The following CDCA5 variants were observed in gnomAD, a reference collection of about 807,000 sequenced individuals.
CDCA5 encodes sororin.
A neutral mutation model predicts 25.7 loss-of-function variants in CDCA5; 14 were observed. The observed-to-expected ratio is 0.54, with a 90% confidence interval of 0.36 to 0.85. CDCA5 has a LOEUF of 0.85. Ranked by LOEUF, CDCA5 falls within the 40% of genes least tolerant of loss-of-function variation. The probability of loss-of-function intolerance (pLI) is 0.01; values close to 1 mark genes in which losing one functional copy is unlikely to be tolerated. For missense variants in CDCA5, 307 were observed against 324.5 expected (o/e 0.95, Z 0.41); for synonymous variants, 127 against 128.7 (o/e 0.99, Z 0.09).
chr11:65,063,523 A>G (rs1237618035), downstream of CDCA5, among the ~76,000 whole-genome samples: 1 of 152,232 alleles, frequency 6.6e-6, no homozygotes, highest in Non-Finnish European at 1.5e-5. Context: ...CCCATGTTAC[A>G]GATGAAGATG....
At chr11:65,076,864 C>T (rs12285030), downstream of CDCA5, among the ~76,000 whole-genome samples, 2 of 152,100 alleles carry the variant, frequency 1.3e-5, no homozygotes, top group Admixed American at 1.3e-4. Context: ...GGGCTGGACT[C>T]GGGAGGGTGT....
intron 4 of CDCA5, among the ~76,000 whole-genome samples, chr11:65,082,004 A>C (rs1367568733): frequency 6.6e-6 from 1 of 152,194 alleles, no homozygotes; most frequent in Non-Finnish European, 1.5e-5. Flanking sequence ...TGTGACAGCA[A>C]TAGGGTAAGG....
the CDCA5 span, among the ~76,000 whole-genome samples, chr11:65,061,161 C>A: frequency 6.6e-6 from 1 of 152,208 alleles, no homozygotes; most frequent in Non-Finnish European, 1.5e-5. Flanking sequence ...TGCAGAGTCA[C>A]GTGGCCTCCC....
intron 3 of CDCA5, chr11:65,067,893 A>T: frequency 1.2e-6 from 1 of 853,884 alleles, no homozygotes. Context: ...GCCAGGACTG[A>T]GTCCTAGCCC....
chr11:65,071,038 T>G (rs576521480), intron 1 of CDCA5, among the ~76,000 whole-genome samples: 2 of 150,926 alleles, frequency 1.3e-5, no homozygotes, highest in Admixed American at 1.3e-4. Context: ...GCCTCCCAGG[T>G]TCACGCCATT....
In CDCA5 at chr11:65,067,715, T is replaced by C. The variant is rs1565265979; in HGVS notation, c.308A>G (p.Glu103Gly). Residue 103 changes from glutamate to glycine, a missense_variant, in exon 4 of 7, where the codon GAG (glutamate) becomes GGG (glycine). Transcript: ENST00000525464. ...TGAGGTCCGCTGGGGGCCCCAGTCC[T>C]CCTGATCTAAGAACTGGTACTCCTG... 3.9e-6 allele frequency: 5 copies of C among 1,289,626 alleles called. 1 individual carries two copies. In the Admixed American group the frequency reaches 9.2e-5, roughly 24 times the overall value. 79.9% of individuals were successfully genotyped at this position (1,289,626 alleles called of 1,614,324 possible).
intron 4 of CDCA5, among the ~76,000 whole-genome samples, chr11:65,081,169 A>C (rs1349945268): frequency 6.6e-6 from 1 of 152,202 alleles, no homozygotes; most frequent in African/African-American, 2.4e-5. Flanking sequence ...TCACACCTAT[A>C]ATCCCAGCAC....
the CDCA5 span, among the ~76,000 whole-genome samples, chr11:65,061,243 C>A: frequency 6.6e-6 from 1 of 152,182 alleles, no homozygotes; most frequent in African/African-American, 2.4e-5. Flanking sequence ...AAGCCTCCTG[C>A]CAACATTCAG....
rs1947516393 is a variant in CDCA5 at position 65,079,488 on chromosome 11, C to T, written c.543G>A (p.Ser181=). ...LLGAEDLSGV[S]PVVCSKLTEV... is the part of the protein sequence containing the mutation. Reference sequence around the variant, plus strand: ...CGGTGAGTTTGGAGCACACCACTGGCGAGACTCCGGACAAGTCTTCTGCCC... The same window carrying T: ...CGGTGAGTTTGGAGCACACCACTGGTGAGACTCCGGACAAGTCTTCTGCCC... The change falls in exon 5 of 6, where the codon TCG becomes TCA. Residue 181 remains serine, a synonymous_variant. Coordinates refer to ENST00000275517, the MANE Select transcript of CDCA5 (RefSeq NM_080668.4). The T allele has an allele frequency of 2.5e-6, 4 of 1,614,134 alleles. No individual in the cohort carries two copies. The highest frequency in any genetic ancestry group is 2.2e-5 in the South Asian group (2 of 91,084).
intron 2 of CDCA5, chr11:65,068,455 A>C: frequency 8.3e-7 from 1 of 1,208,384 alleles, no homozygotes; most frequent in Non-Finnish European, 1.1e-6. Flanking sequence ...TCCCCTGCCC[A>C]CTGCCTTAGG....
chr11:65,067,860 C>CAGA (rs200668989), intron 3 of CDCA5: 27,814 of 841,958 alleles, frequency 0.033, 681 homozygotes, highest in East Asian at 0.076. Flanking sequence ...CAGCAGGCCT[C>CAGA]TCTGGGCCTC....
downstream of CDCA5, chr11:65,066,157 G>A (rs975169594): frequency 3.0e-5 from 7 of 231,068 alleles, no homozygotes; most frequent in Middle Eastern, 1.9e-3. Flanking sequence ...GCCATGTCGG[G>A]GAGGGGTAGA....
chr11:65,068,190 AC>A (rs1360950890), intron 2 of CDCA5: 29 of 980,820 alleles, frequency 3.0e-5, no homozygotes, highest in Non-Finnish European at 3.9e-5. Context: ...GTCCTCCCAC[AC>A]CCCCCATCCT....
downstream of CDCA5, among the ~76,000 whole-genome samples, chr11:65,072,938 C>CTTTTTTTTTTTTTTTTT (rs751923442): frequency 5.0e-5 from 5 of 99,954 alleles, no homozygotes; most frequent in Non-Finnish European, 8.0e-5. Flanking sequence ...TTATTTCATT[C>CTTTTTTTTTTTTTTTTT]TTTTTTTTTT....
At chr11:65,071,621 GTTGT>G (rs1947345187) in intron 1 of CDCA5, among the ~76,000 whole-genome samples, 3 of 152,156 alleles carry the variant, frequency 2.0e-5, no homozygotes, top group Admixed American at 2.0e-4. Context: ...TAAAAATTGT[GTTGT>G]TTATCTAAGA....
At chr11:65,076,926 C>T (rs927811077), downstream of CDCA5, among the ~76,000 whole-genome samples, 1 of 152,148 alleles carries the variant, frequency 6.6e-6, no homozygotes, top group Non-Finnish European at 1.5e-5. Flanking sequence ...AGCACTCTCA[C>T]CCCAGACCCG....
At position 65,071,090 on chromosome 11, in the gene CDCA5, C is replaced by A. The variant is rs1419899052; in HGVS notation, c.64-2489G>T. Reference sequence around the variant, plus strand: ...CCGAGTAGCTGGGACTACAGGTGCCCGCCACCACACCCGGCTAATTTTTTG... The same window carrying A: ...CCGAGTAGCTGGGACTACAGGTGCCAGCCACCACACCCGGCTAATTTTTTG... On this transcript the variant is annotated intron_variant, in intron 1 of 6. Transcript: ENST00000525464. 2.0e-5 allele frequency among the ~76,000 whole-genome samples: 3 copies of A among 150,322 alleles called. No homozygotes were observed. In the South Asian group the frequency reaches 6.3e-4, roughly 32 times the overall value.
Position 65,079,705 on chromosome 11 carries a change from G to GGGACGCT in CDCA5, c.319_325dup (p.Pro109GlnfsTer15), listed in dbSNP as rs1215921051. On this transcript the variant is annotated frameshift_variant, in exon 5 of 6. Coordinates refer to ENST00000275517, the MANE Select transcript of CDCA5 (RefSeq NM_080668.4). LOFTEE classifies it high-confidence loss of function. The stretch of plus-strand genomic sequence containing the variant: ...CACAGGAGTGCTGGTGGGGGTGGCA[G>GGGACGCT]GGACGCTGTGTGTCTTGAAAAGGTC... 1.3e-6 allele frequency: 2 copies of GGGACGCT among 1,564,292 alleles called. No individual in the cohort carries two copies. Among genetic ancestry groups the GGGACGCT allele is most frequent in the Non-Finnish European group, 1.7e-6 (2 of 1,154,906 alleles).
chr11:65,077,364 A>T, downstream of CDCA5: 1 of 661,642 alleles, frequency 1.5e-6, no homozygotes, highest in Non-Finnish European at 1.9e-6. Flanking sequence ...GAGCGCCTGG[A>T]CAAAGGGACA....
Sources: allele counts gnomAD v4.1 joint callset (sites outside exome capture counted in the v4.1 genomes callset), GRCh38; gene constraint gnomAD v4.1.1; transcripts MANE v1.5; gene names NCBI Gene and HGNC (gene_info 2026-07-23, HGNC 2026-07-21).